The following KCNH5 variants were observed in gnomAD, a reference collection of about 807,000 sequenced individuals.
KCNH5 encodes the protein potassium voltage-gated channel subfamily H member 5.
A neutral mutation model predicts 96.1 loss-of-function variants in KCNH5; 46 were observed. The ratio of observed to expected loss-of-function variants is 0.48; its 90% CI spans 0.38 to 0.61. KCNH5 has a LOEUF of 0.61. Ranked by LOEUF, KCNH5 falls within the 20% of genes least tolerant of loss-of-function variation. The probability of loss-of-function intolerance (pLI) is 0.00; values close to 1 mark genes in which losing one functional copy is unlikely to be tolerated. For synonymous variants in KCNH5, 439 were observed against 449.8 expected, an observed-to-expected ratio of 0.98 and a Z score of 0.30; for missense variants, 907 against 1,225.8, an observed-to-expected ratio of 0.74 and a Z score of 3.88.
At position 63,045,154 on chromosome 14, in the gene KCNH5, C is replaced by T. The variant is rs775018863; in HGVS notation, c.33G>A (p.Pro11=). 51 of 1,613,790 alleles carry T rather than the reference C, an allele frequency of 3.2e-5. No individual in the cohort carries two copies. The highest frequency in any genetic ancestry group is 4.2e-5 in the Non-Finnish European group (50 of 1,179,996). MPGGKRGLVA[P]QNTFLENIVR... is the part of the protein sequence containing the mutation. ...CGATGTTCTCCAAAAATGTGTTCTGCGGTGCCACCAGCCCTCTCTTGCCCC... is the reference window on the plus strand; with the variant it reads ...CGATGTTCTCCAAAAATGTGTTCTGTGGTGCCACCAGCCCTCTCTTGCCCC... The change falls in exon 1 of 11, where the codon CCG becomes CCA. Residue 11 remains proline, a synonymous_variant. Transcript: ENST00000322893.
chr14:62,915,064 G>T (rs951159300), intron 7 of KCNH5, among the ~76,000 whole-genome samples: 1 of 152,210 alleles, frequency 6.6e-6, no homozygotes, highest in African/African-American at 2.4e-5. Context: ...TGCACCACAG[G>T]TGTGAACCAG....
rs1420114658 is a variant in KCNH5 at position 62,708,410 on chromosome 14, G to A, written c.2065C>T (p.Arg689Cys). ...GTCACCTCATTCTTCTGCCGGAGGC[G>A]CTCCTCCTCCTCTTTCTTCACATCA... Reference protein sequence around the residue: ...ISDVKKEEEERLRQKNEVTLS... With the variant: ...ISDVKKEEEECLRQKNEVTLS... Residue 689 changes from arginine (R) to cysteine (C), a missense_variant, in exon 11 of 11, where the codon CGC becomes TGC. Transcript: ENST00000322893. 1.2e-6 allele frequency: 2 copies of A among 1,608,904 alleles called. No individual in the cohort carries two copies. Among genetic ancestry groups the A allele is most frequent in the Non-Finnish European group, 1.7e-6 (2 of 1,178,968 alleles).
chr14:62,957,263 T>C (rs1221655380), intron 6 of KCNH5, among the ~76,000 whole-genome samples: 1 of 152,184 alleles, frequency 6.6e-6, no homozygotes, highest in Non-Finnish European at 1.5e-5. Flanking sequence ...GATAAAGCCA[T>C]CCAAAATACA....
intron 10 of KCNH5, among the ~76,000 whole-genome samples, chr14:62,762,394 G>A (rs80123618): frequency 0.031 from 4,774 of 152,188 alleles, 142 homozygotes; most frequent in South Asian, 0.082. Context: ...ACTGCTGCCA[G>A]AGCTCCTTCA....
intron 7 of KCNH5, among the ~76,000 whole-genome samples, chr14:62,868,430 G>C (rs1888178815): frequency 6.6e-6 from 1 of 152,154 alleles, no homozygotes; most frequent in Admixed American, 6.5e-5. Context: ...AGTAATTGCT[G>C]TTTTTGCCAT....
chr14:62,769,345 T>C (rs1489935256), intron 10 of KCNH5, among the ~76,000 whole-genome samples: 1 of 152,172 alleles, frequency 6.6e-6, no homozygotes, highest in Non-Finnish European at 1.5e-5. Flanking sequence ...TGATGATCAA[T>C]TGAGGTAATG....
intron 8 of KCNH5, among the ~76,000 whole-genome samples, chr14:62,813,763 A>G (rs2140009785): frequency 6.6e-6 from 1 of 152,352 alleles, no homozygotes; most frequent in Non-Finnish European, 1.5e-5. Context: ...CAGGCAAGTG[A>G]CATTTGCACA....
chr14:62,864,466 G>A (rs78977964), intron 7 of KCNH5, among the ~76,000 whole-genome samples: 1 of 151,990 alleles, frequency 6.6e-6, no homozygotes, highest in Admixed American at 6.6e-5. Context: ...GCTGACCTGA[G>A]GCTTTAAAAT....
chr14:62,799,551 C>G (rs1421252396), intron 9 of KCNH5, among the ~76,000 whole-genome samples: 1 of 82,716 alleles, frequency 1.2e-5, no homozygotes, highest in Non-Finnish European at 2.2e-5. Context: ...CCAGCCTGGG[C>G]AACAAGAGTG....
intron 7 of KCNH5, among the ~76,000 whole-genome samples, chr14:62,851,269 A>T (rs1445750568): frequency 6.6e-6 from 1 of 152,112 alleles, no homozygotes; most frequent in Non-Finnish European, 1.5e-5. Flanking sequence ...GTGAGTCTTT[A>T]TACCTTTCAA....
intron 10 of KCNH5, among the ~76,000 whole-genome samples, chr14:62,718,461 G>C (rs938182597): frequency 2.6e-5 from 4 of 152,114 alleles, no homozygotes; most frequent in African/African-American, 9.7e-5. Flanking sequence ...CATATGAAAA[G>C]ATACTCATCA....
At chr14:62,871,344 T>G (rs1032414458) in intron 7 of KCNH5, among the ~76,000 whole-genome samples, 20 of 151,996 alleles carry the variant, frequency 1.3e-4, no homozygotes, top group Admixed American at 2.6e-4. Flanking sequence ...ATACTGGGGG[T>G]TTAAGAAAAG....
intron 7 of KCNH5, among the ~76,000 whole-genome samples, chr14:62,853,338 G>A (rs367802786): frequency 3.3e-5 from 5 of 151,254 alleles, no homozygotes; most frequent in South Asian, 2.1e-4. Flanking sequence ...AAAGGGTTGC[G>A]CTAAATGAGA....
chr14:62,882,723 G>A (rs1888518873), intron 7 of KCNH5, among the ~76,000 whole-genome samples: 1 of 152,112 alleles, frequency 6.6e-6, no homozygotes, highest in Non-Finnish European at 1.5e-5. Context: ...TAGATTACAT[G>A]CTGAACATGC....
At chr14:62,840,566 C>CTTTTTTTTTT (rs71120238) in intron 8 of KCNH5, among the ~76,000 whole-genome samples, 128 of 76,404 alleles carry the variant, frequency 1.7e-3, no homozygotes, top group South Asian at 2.3e-3. Flanking sequence ...TCTTTTTTTT[C>CTTTTTTTTTT]TTTTTTTTTT....
intron 8 of KCNH5, among the ~76,000 whole-genome samples, chr14:62,842,788 T>C (rs1057307272): frequency 5.9e-5 from 9 of 152,250 alleles, no homozygotes; most frequent in Admixed American, 6.5e-5. Flanking sequence ...AAAACTACAG[T>C]ACTTAGCTGT....
chr14:62,748,930 G>A (rs892051000), intron 10 of KCNH5, among the ~76,000 whole-genome samples: 3 of 152,134 alleles, frequency 2.0e-5, no homozygotes, highest in Admixed American at 6.5e-5. Context: ...CCAAGAACTG[G>A]GCAGCTGTTG....
At chr14:62,774,056 C>T (rs1176317720) in intron 10 of KCNH5, among the ~76,000 whole-genome samples, 1 of 152,136 alleles carries the variant, frequency 6.6e-6, no homozygotes, top group African/African-American at 2.4e-5. Flanking sequence ...TTCTGCATAT[C>T]ATCATATTCA....
intron 7 of KCNH5, among the ~76,000 whole-genome samples, chr14:62,938,158 G>T (rs1177258982): frequency 6.6e-6 from 1 of 151,838 alleles, no homozygotes; most frequent in African/African-American, 2.4e-5. Flanking sequence ...AAGATCTGGT[G>T]GGGGGGTGTT....
Sources: gnomAD v4.1 joint callset for allele counts (sites outside exome capture counted in the v4.1 genomes callset) on GRCh38, gnomAD v4.1.1 for gene constraint, MANE v1.5 for transcripts, NCBI Gene and HGNC (gene_info 2026-07-23, HGNC 2026-07-21) for gene names.